CALD1: variants seen among roughly 807,000 people sequenced by gnomAD.
CALD1 encodes caldesmon.
In CALD1, 33 loss-of-function variants were observed where a neutral mutation model predicts 99.9. That is an observed-to-expected ratio of 0.33 (90% CI 0.25 to 0.44). The LOEUF (loss-of-function observed/expected upper bound fraction) is 0.44, where lower values mean the gene tolerates loss of function less well. CALD1 is among the 20% of genes least tolerant of loss of function. The pLI, the probability that CALD1 is intolerant of heterozygous loss-of-function variation, is 1.00. For synonymous variants in CALD1, 310 were observed against 325.0 expected, an observed-to-expected ratio of 0.95 and a Z score of 0.50; for missense variants, 861 against 962.1, an observed-to-expected ratio of 0.89 and a Z score of 1.39.
intron 3 of CALD1, among the ~76,000 whole-genome samples, chr7:134,882,929 G>T (rs1201701193): frequency 6.6e-6 from 1 of 152,104 alleles, no homozygotes; most frequent in Non-Finnish European, 1.5e-5. Flanking sequence ...TTCCAGTAAA[G>T]TCGAGCATTT....
At chr7:134,828,972 T>G (rs1234380628) in intron 1 of CALD1, among the ~76,000 whole-genome samples, 1 of 151,874 alleles carries the variant, frequency 6.6e-6, no homozygotes, top group Non-Finnish European at 1.5e-5. Context: ...AAATAGATGA[T>G]AAATCTATAA....
intron 4 of CALD1, among the ~76,000 whole-genome samples, chr7:134,929,175 T>C (rs1805293926): frequency 6.6e-6 from 1 of 152,200 alleles, no homozygotes; most frequent in African/African-American, 2.4e-5. Flanking sequence ...CAATCTAGCA[T>C]TTGTTTAATT....
intron 3 of CALD1, among the ~76,000 whole-genome samples, chr7:134,884,757 G>A (rs1310364329): frequency 1.3e-5 from 2 of 151,796 alleles, no homozygotes; most frequent in African/African-American, 4.8e-5. Flanking sequence ...AGTACTTATT[G>A]GCCATCTGCT....
chr7:134,860,060 G>T (rs1463442377), intron 2 of CALD1, among the ~76,000 whole-genome samples: 2 of 152,150 alleles, frequency 1.3e-5, no homozygotes, highest in Admixed American at 1.3e-4. Context: ...TAGTATGTTG[G>T]ATTCCATTGA....
Position 134,793,782 on chromosome 7 carries a change from C to A in CALD1, c.-130+14033C>A, listed in dbSNP as rs139679925. 3.3e-3 allele frequency among the ~76,000 whole-genome samples: 498 copies of A among 152,180 alleles called. 5 individuals are homozygous for A. The highest frequency in any genetic ancestry group is 0.011 in the African/African-American group (464 of 41,526). On this transcript the variant is annotated intron_variant, in intron 1 of 14. Transcript: ENST00000361675. Reference sequence around the variant, plus strand: ...GTGGTTTTCTGCTTTCCACAAATCTCTCTTCACCTATCAACCACTCCCTCC... The same window carrying A: ...GTGGTTTTCTGCTTTCCACAAATCTATCTTCACCTATCAACCACTCCCTCC...
chr7:134,830,975 T>C (rs1230909787), intron 1 of CALD1, among the ~76,000 whole-genome samples: 2 of 152,188 alleles, frequency 1.3e-5, no homozygotes, highest in Non-Finnish European at 2.9e-5. Context: ...AGCTCTACAT[T>C]ACTTAGCAAT....
chr7:134,717,753 G>A, the CALD1 span, among the ~76,000 whole-genome samples: 1 of 152,218 alleles, frequency 6.6e-6, no homozygotes, highest in Non-Finnish European at 1.5e-5. Flanking sequence ...ATGTTTAATG[G>A]ATTGGTAAAC....
chr7:134,913,671 T>C (rs1803987756), intron 3 of CALD1, among the ~76,000 whole-genome samples: 1 of 134,144 alleles, frequency 7.5e-6, no homozygotes, highest in Non-Finnish European at 1.7e-5. Context: ...GCTTAGATCA[T>C]GGATCACCAA....
At chr7:134,755,733 T>C (rs1358525464) in intron 1 of CALD1, among the ~76,000 whole-genome samples, 1 of 152,242 alleles carries the variant, frequency 6.6e-6, no homozygotes, top group Non-Finnish European at 1.5e-5. Flanking sequence ...TTTACTTGTG[T>C]TATTTTTCAC....
chr7:134,804,881 A>G (rs1204297745), intron 1 of CALD1, among the ~76,000 whole-genome samples: 2 of 152,236 alleles, frequency 1.3e-5, no homozygotes, highest in African/African-American at 2.4e-5. Flanking sequence ...AGAAAGAGTA[A>G]TTCATTCAAA....
At chr7:134,724,049 G>T in the CALD1 span, among the ~76,000 whole-genome samples, 1 of 152,176 alleles carries the variant, frequency 6.6e-6, no homozygotes, top group South Asian at 2.1e-4. Flanking sequence ...TTTGCTCAGG[G>T]TTTGCTATGC....
Position 134,860,799 on chromosome 7 carries a change from C to T in CALD1, c.-41-6894C>T, listed in dbSNP as rs373121720. On this transcript the variant is annotated intron_variant, in intron 2 of 14. Transcript: ENST00000361675. ...TATAGATATTCAAGGAGGGAATTGT[C>T]GCTTTTAAGCTAGGGTTCTCAGGAA... 6.8e-4 allele frequency among the ~76,000 whole-genome samples: 103 copies of T among 152,150 alleles called. 1 individual carries two copies. The South Asian group carries it at 0.017, about 26-fold the overall frequency.
At chr7:134,756,649 C>G (rs1796732856) in intron 1 of CALD1, among the ~76,000 whole-genome samples, 1 of 152,102 alleles carries the variant, frequency 6.6e-6, no homozygotes, top group African/African-American at 2.4e-5. Flanking sequence ...CATTGAGGAC[C>G]TGCATGATTC....
intron 1 of CALD1, among the ~76,000 whole-genome samples, chr7:134,811,132 CA>C (rs1164261740): frequency 6.6e-6 from 1 of 152,162 alleles, no homozygotes; most frequent in East Asian, 1.9e-4. Context: ...CATTAAAAGG[CA>C]AGAACAATTT....
chr7:134,714,185 C>T, the CALD1 span, among the ~76,000 whole-genome samples: 3 of 152,142 alleles, frequency 2.0e-5, no homozygotes, highest in Non-Finnish European at 4.4e-5. Flanking sequence ...CCTGCAAAAC[C>T]GTGAGCCAAT....
chr7:134,869,500 C>A (rs1272673349), intron 3 of CALD1, among the ~76,000 whole-genome samples: 2 of 152,168 alleles, frequency 1.3e-5, no homozygotes, highest in East Asian at 1.9e-4. Flanking sequence ...GAAGAAAGAT[C>A]AAATATGAGA....
At chr7:134,816,824 G>A (rs182306192) in intron 1 of CALD1, among the ~76,000 whole-genome samples, 2 of 152,276 alleles carry the variant, frequency 1.3e-5, no homozygotes, top group East Asian at 3.9e-4. Flanking sequence ...GCTTCAATAG[G>A]TGAGACTCTA....
In CALD1 at chr7:134,757,873, C is replaced by T. The variant is rs143777314; in HGVS notation, c.-130+13510C>T. The stretch of plus-strand genomic sequence containing the variant: ...CAGCCTGGGCGACAAAGCTAGACTC[C>T]GTCTAAAAAAATAAAAATAAAAAAA... On this transcript the variant is annotated intron_variant, in intron 1 of 13. Coordinates refer to the CALD1 transcript ENST00000417172. 4.8e-3 allele frequency among the ~76,000 whole-genome samples: 719 copies of T among 151,360 alleles called. 4 individuals carry two copies. Among genetic ancestry groups the T allele is most frequent in the African/African-American group, 0.017 (682 of 41,030 alleles).
At chr7:134,873,578 G>A (rs1374145166) in intron 3 of CALD1, among the ~76,000 whole-genome samples, 1 of 152,200 alleles carries the variant, frequency 6.6e-6, no homozygotes, top group Admixed American at 6.5e-5. Flanking sequence ...AATTAGCTAT[G>A]TCTGAATGGA....
Sources: gnomAD v4.1 joint callset for allele counts (sites outside exome capture counted in the v4.1 genomes callset) on GRCh38, gnomAD v4.1.1 for gene constraint, MANE v1.5 for transcripts, NCBI Gene and HGNC (gene_info 2026-07-23, HGNC 2026-07-21) for gene names.